CSMD3: variants seen among roughly 807,000 people sequenced by gnomAD.
The protein encoded by CSMD3 is CUB and Sushi multiple domains 3.
In CSMD3, 177 loss-of-function variants were observed where a neutral mutation model predicts 435.2. The ratio of observed to expected loss-of-function variants is 0.41; its 90% confidence interval spans 0.36 to 0.46. CSMD3 has a LOEUF of 0.46. Ranked by LOEUF, CSMD3 falls within the 20% of genes least tolerant of loss-of-function variation. CSMD3 has a pLI of 0.34. For synonymous variants in CSMD3, 1,656 were observed against 1,520.5 expected (o/e 1.09, Z -2.07); for missense variants, 4,265 against 4,504.6 (o/e 0.95, Z 1.52).
intron 4 of CSMD3, among the ~76,000 whole-genome samples, chr8:113,122,992 G>A (rs558128495): frequency 6.6e-6 from 1 of 151,054 alleles, no homozygotes; most frequent in South Asian, 2.1e-4. Context: ...GCCCACCCAT[G>A]GGCTTACACA....
At chr8:112,533,712 T>A (rs1825766675) in intron 27 of CSMD3, among the ~76,000 whole-genome samples, 2 of 152,010 alleles carry the variant, frequency 1.3e-5, no homozygotes, top group Non-Finnish European at 2.9e-5. Context: ...AGATAGATCA[T>A]CCAGACAGAA....
chr8:112,600,842 T>A (rs1169786078), intron 22 of CSMD3, among the ~76,000 whole-genome samples: 4 of 152,094 alleles, frequency 2.6e-5, no homozygotes, highest in Non-Finnish European at 5.9e-5. Flanking sequence ...TACGCCCAGC[T>A]AATTTTATGT....
chr8:112,787,072 T>C (rs1384352828), intron 13 of CSMD3, among the ~76,000 whole-genome samples: 1 of 152,200 alleles, frequency 6.6e-6, no homozygotes, highest in African/African-American at 2.4e-5. Context: ...CTCATCCTTT[T>C]TTGTGGCTGC....
At chr8:113,160,045 G>A (rs755091979) in intron 4 of CSMD3, among the ~76,000 whole-genome samples, 3 of 151,948 alleles carry the variant, frequency 2.0e-5, no homozygotes, top group Middle Eastern at 6.8e-3. Context: ...GTAAATAGAT[G>A]ATGGTAATTG....
intron 16 of CSMD3, among the ~76,000 whole-genome samples, chr8:112,680,050 T>C (rs2075853357): frequency 6.6e-6 from 1 of 152,178 alleles, no homozygotes; most frequent in African/African-American, 2.4e-5. Flanking sequence ...TTCCTACTGT[T>C]GCTTCAAATA....
intron 31 of CSMD3, among the ~76,000 whole-genome samples, chr8:112,484,156 C>T (rs1819897582): frequency 6.6e-6 from 1 of 152,108 alleles, no homozygotes; most frequent in Admixed American, 6.6e-5. Context: ...AGCTCCTTTC[C>T]TTCTTCCAGA....
intron 30 of CSMD3, among the ~76,000 whole-genome samples, chr8:112,497,616 T>C (rs1453553237): frequency 3.3e-5 from 5 of 151,976 alleles, no homozygotes; most frequent in African/African-American, 9.6e-5. Flanking sequence ...TTGTGATATA[T>C]GTTACAAAAG....
intron 1 of CSMD3, among the ~76,000 whole-genome samples, chr8:113,409,197 C>T (rs1037416014): frequency 6.6e-6 from 1 of 151,040 alleles, no homozygotes; most frequent in Admixed American, 6.6e-5. Flanking sequence ...ATTCTCTTGC[C>T]TCAGCTTCCT....
chr8:112,469,196 A>G (rs1381033088), intron 32 of CSMD3, among the ~76,000 whole-genome samples: 1 of 149,968 alleles, frequency 6.7e-6, no homozygotes, highest in Non-Finnish European at 1.5e-5. Context: ...ATTTGGTACC[A>G]CATGACCTGT....
intron 44 of CSMD3, among the ~76,000 whole-genome samples, 197 bp downstream of exon 44, chr8:112,336,455 T>C (rs1355973860): frequency 1.3e-5 from 2 of 152,184 alleles, no homozygotes; most frequent in Non-Finnish European, 2.9e-5. Context: ...GCTTACCTAG[T>C]TCATGGGGCA....
chr8:112,697,731 T>A (rs997107595), intron 13 of CSMD3, among the ~76,000 whole-genome samples: 24 of 150,182 alleles, frequency 1.6e-4, no homozygotes, highest in East Asian at 1.4e-3. Context: ...TAAAGTATAA[T>A]AAAAAAAAAT....
chr8:112,546,391 C>G (rs1238404998), intron 27 of CSMD3, among the ~76,000 whole-genome samples: 1 of 152,044 alleles, frequency 6.6e-6, no homozygotes. Flanking sequence ...GTGCAGGGAA[C>G]AATAATAAGG....
intron 6 of CSMD3, 104 bp downstream of exon 6, chr8:113,018,963 T>C: frequency 1.2e-6 from 1 of 807,654 alleles, no homozygotes; most frequent in South Asian, 1.4e-5. Context: ...CAATACAAAT[T>C]CCAATTTCTA....
chr8:112,507,123 AG>A (rs1451606323), intron 28 of CSMD3, among the ~76,000 whole-genome samples: 1 of 152,180 alleles, frequency 6.6e-6, no homozygotes, highest in Non-Finnish European at 1.5e-5. Context: ...TCATGTCAAA[AG>A]AAAAGCATTA....
intron 9 of CSMD3, among the ~76,000 whole-genome samples, chr8:112,936,657 C>T (rs2083289832): frequency 6.6e-6 from 1 of 152,030 alleles, no homozygotes; most frequent in Admixed American, 6.6e-5. Flanking sequence ...TCAATGATCT[C>T]ACTTTTATAG....
intron 45 of CSMD3, among the ~76,000 whole-genome samples, chr8:112,322,776 AGT>A (rs1387993795): frequency 1.3e-5 from 2 of 152,026 alleles, no homozygotes; most frequent in African/African-American, 4.8e-5. Context: ...ACTTGTTCAA[AGT>A]GTGTTATTTT....
At chr8:112,526,106 T>A (rs2131043407) in intron 27 of CSMD3, among the ~76,000 whole-genome samples, 1 of 151,578 alleles carries the variant, frequency 6.6e-6, no homozygotes, top group South Asian at 2.1e-4. Context: ...TTTCAGTTAT[T>A]GTTTTCAATA....
chr8:112,591,609 A>G (rs1293732148), intron 22 of CSMD3, among the ~76,000 whole-genome samples: 2 of 152,146 alleles, frequency 1.3e-5, no homozygotes, highest in Non-Finnish European at 2.9e-5. Context: ...GAAAGCAGGC[A>G]AAATATACTT....
intron 23 of CSMD3, among the ~76,000 whole-genome samples, chr8:112,577,976 C>T (rs190601402): frequency 1.1e-3 from 160 of 152,132 alleles, no homozygotes; most frequent in Non-Finnish European, 1.6e-3. Context: ...TATGTATAAT[C>T]ATATAAATCT....
Sources: gnomAD v4.1 joint callset for allele counts (sites outside exome capture counted in the v4.1 genomes callset) on GRCh38, gnomAD v4.1.1 for gene constraint, MANE v1.5 for transcripts, NCBI Gene and HGNC (gene_info 2026-07-23, HGNC 2026-07-21) for gene names.